BRAT1: variants seen among roughly 807,000 people sequenced by gnomAD.
BRAT1 encodes integrator complex assembly factor BRAT1.
Under a neutral mutation model 70.6 loss-of-function variants are expected in BRAT1, and 74 were observed. That is an observed-to-expected ratio of 1.05 (90% CI 0.87 to 1.27). The LOEUF (loss-of-function observed/expected upper bound fraction) is 1.27. Among genes scored for constraint, BRAT1 ranks in the 50% most tolerant of loss-of-function variants. The pLI is 0.00. For synonymous variants in BRAT1, 615 were observed against 517.1 expected (o/e 1.19, Z -2.57); for missense variants, 1,203 against 1,098.2 (o/e 1.10, Z -1.35).
At chr7:2,542,898 G>GCC in intron 6 of BRAT1, 1 of 209,740 alleles carries the variant, frequency 4.8e-6, no homozygotes, top group Non-Finnish European at 9.6e-6. Flanking sequence ...TGCGGTGGGG[G>GCC]ACAGGTGGGA....
chr7:2,541,483 G>A lies in BRAT1; in HGVS notation c.1136C>T (p.Pro379Leu), dbSNP rs1403781897. 2 of 1,533,792 alleles carry A rather than the reference G, an allele frequency of 1.3e-6. No individual in the cohort carries two copies. Among genetic ancestry groups the A allele is most frequent in the East Asian group, 2.4e-5 (1 of 41,034 alleles). The change falls in exon 9 of 14, where the codon CCC becomes CTC. Residue 379 changes from proline to leucine, a missense_variant and splice_region_variant. Transcript: ENST00000340611. ...CTGGGGCCACGGTGAAGGGCGCTGG[G>A]GCTGCGAGGAAGAGGGCCGTCAGCC... ...LAHLEELQPL[P>L]QRPSPWPQAS...
At chr7:2,540,921 G>A (rs1779098782) in intron 10 of BRAT1, 58 bp downstream of exon 10, 1 of 1,443,680 alleles carries the variant, frequency 6.9e-7, no homozygotes, top group Non-Finnish European at 9.1e-7. Flanking sequence ...GGAGTCAGGG[G>A]TGGGTCCCAC....
At chr7:2,542,843 C>T (rs929290839) in intron 6 of BRAT1, 3 of 178,574 alleles carry the variant, frequency 1.7e-5, no homozygotes, top group South Asian at 1.4e-4. Context: ...GCCCCCCACC[C>T]GCATGGTGTG....
chr7:2,548,561 G>C (rs779934979), intron 2 of BRAT1, among the ~76,000 whole-genome samples: 1 of 152,040 alleles, frequency 6.6e-6, no homozygotes, highest in Non-Finnish European at 1.5e-5. Context: ...AGCTACTCAG[G>C]AGGCTGAGAC....
chr7:2,550,857 T>A (rs1262689458), intron 2 of BRAT1, among the ~76,000 whole-genome samples: 1 of 152,196 alleles, frequency 6.6e-6, no homozygotes, highest in Non-Finnish European at 1.5e-5. Context: ...TTATTTATTT[T>A]GTCCATTTCT....
At chr7:2,545,159 T>G (rs1271482616) in intron 3 of BRAT1, 103 bp from the exon 4 acceptor site, 1 of 1,291,554 alleles carries the variant, frequency 7.7e-7, no homozygotes, top group Non-Finnish European at 1.0e-6. Context: ...AGGTCAGGAG[T>G]TCGAGACCAG....
chr7:2,543,071 G>A lies in BRAT1; in HGVS notation c.923+133C>T. ...CCGCGCGCAACCCACGCACCACCCA[G>A]TCACACCCCGCACGGCCGCCTGACT... On this transcript the variant is annotated intron_variant, in intron 6 of 13. Transcript: ENST00000340611. The surrounding 1 kb of genome is among the most constrained non-coding windows in gnomAD (Gnocchi z 5.5). The A allele has an allele frequency of 8.2e-7, 1 of 1,222,556 alleles. No individual in the cohort carries two copies. The highest frequency in any genetic ancestry group is 1.1e-6 in the Non-Finnish European group (1 of 890,776). The allele number at this position is 1,222,556 out of a possible 1,614,324, so 75.7% of individuals were successfully genotyped here. A position where few individuals can be genotyped will look rare whatever the true frequency, so the allele number is the denominator to read the frequency against.
chr7:2,544,975 C>G lies in BRAT1; in HGVS notation c.364G>C (p.Gly122Arg). Residue 122 changes from glycine (G) to arginine (R), a missense_variant, in exon 4 of 14, where the codon GGC becomes CGC. Coordinates refer to ENST00000340611, the MANE Select transcript of BRAT1 (RefSeq NM_152743.4). ...ATWAVPTVRS[G>R]WIQGLRSLAQ... Reference sequence around the variant, plus strand: ...AGGGAGCGCAGGCCCTGGATCCAGCCGCTGCGCACGGTGGGGACGGCCCAG... The same window carrying G: ...AGGGAGCGCAGGCCCTGGATCCAGCGGCTGCGCACGGTGGGGACGGCCCAG... 6.4e-7 allele frequency: 1 copy of G among 1,566,010 alleles called. No homozygotes were observed. Among genetic ancestry groups the G allele is most frequent in the Non-Finnish European group, 8.7e-7 (1 of 1,155,742 alleles).
intron 2 of BRAT1, among the ~76,000 whole-genome samples, chr7:2,548,720 T>C (rs1272812955): frequency 6.6e-6 from 1 of 150,676 alleles, no homozygotes; most frequent in Non-Finnish European, 1.5e-5. Context: ...CCCAGCACTT[T>C]TGAAGGCCAA....
intron 2 of BRAT1, among the ~76,000 whole-genome samples, chr7:2,549,636 G>A (rs558558078): frequency 2.0e-5 from 3 of 152,232 alleles, no homozygotes; most frequent in Admixed American, 6.5e-5. Context: ...TCTAACAGTC[G>A]CCTCAACAAA....
chr7:2,552,308 G>A (rs1392810554), intron 2 of BRAT1, among the ~76,000 whole-genome samples: 2 of 149,972 alleles, frequency 1.3e-5, no homozygotes, highest in Admixed American at 6.7e-5. Context: ...AGTAGAGACG[G>A]GGTTTCACCA....
At chr7:2,542,338 C>T in intron 6 of BRAT1, 127 bp from the exon 7 acceptor site, 2 of 768,540 alleles carry the variant, frequency 2.6e-6, no homozygotes, top group Non-Finnish European at 4.4e-6. Flanking sequence ...GAAACATTCT[C>T]TGCAGGCCAC....
intron 6 of BRAT1, 84 bp from the exon 7 acceptor site, chr7:2,542,295 G>A (rs996982476): frequency 5.4e-5 from 65 of 1,199,884 alleles, no homozygotes; most frequent in Admixed American, 6.1e-5. Context: ...CAAGCCTGGG[G>A]CAAATCAGCC....
intron 2 of BRAT1, among the ~76,000 whole-genome samples, chr7:2,551,240 C>CAA (rs200783996): frequency 1.9e-4 from 23 of 121,676 alleles, no homozygotes; most frequent in South Asian, 7.6e-4. Flanking sequence ...GACTTGGTCT[C>CAA]AAAAAAAAAA....
intron 2 of BRAT1, among the ~76,000 whole-genome samples, chr7:2,549,528 G>GA (rs551153020): frequency 1.2e-4 from 17 of 143,688 alleles, no homozygotes; most frequent in East Asian, 1.0e-3. Flanking sequence ...AGATTTAAAA[G>GA]AAAAAAAAAA....
chr7:2,544,743 G>C (rs758351030), intron 4 of BRAT1, among the ~76,000 whole-genome samples, 166 bp downstream of exon 4: 8 of 152,210 alleles, frequency 5.3e-5, no homozygotes, highest in Non-Finnish European at 1.5e-5. Flanking sequence ...CCTAGGGCCT[G>C]ACCTGCCAAC....
Position 2,539,521 on chromosome 7 carries a change from C to T in BRAT1, c.1597+23G>A, listed in dbSNP as rs1362092242. ...AGCCCCCCACAGGCGGGGAAGGCAG[C>T]CCCTCCACCTGCCAGCACTCACCTC... On this transcript the variant is annotated intron_variant, in intron 12 of 13. Transcript: ENST00000340611. 4 of 1,534,462 alleles carry T rather than the reference C, an allele frequency of 2.6e-6. No individual in the cohort carries two copies. The East Asian group carries it at 7.3e-5, about 28-fold the overall frequency.
chr7:2,539,507 G>A (rs1162994081), intron 12 of BRAT1, 37 bp downstream of exon 12: 1 of 1,524,960 alleles, frequency 6.6e-7, no homozygotes. Flanking sequence ...GCCCCCCACA[G>A]GCGGGGAAGG....
intron 2 of BRAT1, among the ~76,000 whole-genome samples, chr7:2,553,352 G>A (rs80132656): frequency 0.19 from 29,048 of 152,036 alleles, 3,598 homozygotes; most frequent in African/African-American, 0.35. Flanking sequence ...TTAAAATGAT[G>A]AAAAATGAGA....
Sources: gnomAD v4.1 joint callset for allele counts (sites outside exome capture counted in the v4.1 genomes callset) on GRCh38, gnomAD v4.1.1 for gene constraint, Gnocchi (gnomAD v3.1) non-coding constraint, MANE v1.5 for transcripts, NCBI Gene and HGNC (gene_info 2026-07-23, HGNC 2026-07-21) for gene names.